Variants in TYW1 observed in about 807,000 individuals in gnomAD.
TYW1 encodes the protein S-adenosyl-L-methionine-dependent tRNA 4-demethylwyosine synthase TYW1.
TYW1 carries 46 observed loss-of-function variants against 96.2 expected under a neutral mutation model. The ratio of observed to expected loss-of-function variants is 0.48; its 90% confidence interval spans 0.38 to 0.61. The LOEUF is 0.61. TYW1 is among the 20% of genes least tolerant of loss of function. The probability of loss-of-function intolerance (pLI) is 0.00; values close to 1 mark genes in which losing one functional copy is unlikely to be tolerated. For synonymous variants in TYW1, 274 were observed against 323.0 expected (o/e 0.85, Z 1.63); for missense variants, 684 against 909.6 (o/e 0.75, Z 3.19).
intron 13 of TYW1, among the ~76,000 whole-genome samples, chr7:67,153,133 TAATACA>T (rs1798855924): frequency 6.6e-6 from 1 of 152,198 alleles, no homozygotes; most frequent in Non-Finnish European, 1.5e-5. Context: ...ATGATTAAGG[TAATACA>T]TGCTGAATGC....
At chr7:67,131,666 A>C (rs1798077552) in intron 13 of TYW1, among the ~76,000 whole-genome samples, 1 of 152,216 alleles carries the variant, frequency 6.6e-6, no homozygotes. Context: ...ATTGACTCGC[A>C]CTATCACAAG....
intron 3 of TYW1, among the ~76,000 whole-genome samples, chr7:67,007,123 C>T (rs943371719): frequency 6.6e-6 from 1 of 151,868 alleles, no homozygotes; most frequent in Non-Finnish European, 1.5e-5. Context: ...AAGCTTTAGC[C>T]TCTGATGGGC....
chr7:67,013,120 C>CCTTT (rs778034934), intron 4 of TYW1, among the ~76,000 whole-genome samples: 2,986 of 140,734 alleles, frequency 0.021, 57 homozygotes, highest in East Asian at 0.12. Context: ...CTTTTCTTTT[C>CCTTT]TTTTTTTTTT....
intron 15 of TYW1, among the ~76,000 whole-genome samples, chr7:67,228,355 G>T (rs151039609): frequency 0.016 from 2,395 of 152,246 alleles, 31 homozygotes; most frequent in Admixed American, 0.044. Flanking sequence ...AAAACCATCA[G>T]ATCTTGTGAG....
At chr7:67,099,136 C>T (rs1797012615) in intron 12 of TYW1, among the ~76,000 whole-genome samples, 1 of 151,980 alleles carries the variant, frequency 6.6e-6, no homozygotes, top group South Asian at 2.1e-4. Context: ...AGTGATTCTC[C>T]TGTCTCAGCC....
chr7:67,235,434 C>T (rs537504086), intron 15 of TYW1, among the ~76,000 whole-genome samples: 2 of 152,234 alleles, frequency 1.3e-5, no homozygotes, highest in Admixed American at 1.3e-4. Context: ...TGTCAGTCAC[C>T]CCAGGCTCAG....
At chr7:67,236,775 T>G (rs892429172) in intron 15 of TYW1, among the ~76,000 whole-genome samples, 2 of 152,230 alleles carry the variant, frequency 1.3e-5, no homozygotes, top group African/African-American at 4.8e-5. Context: ...CAGATGTCAT[T>G]TAAATTCAGC....
At position 67,196,777 on chromosome 7, in the gene TYW1, G is replaced by C. The variant is rs556465428; in HGVS notation, c.1977+1440G>C. Among the ~76,000 whole-genome samples the C allele has an allele frequency of 3.9e-5, 6 of 152,032 alleles. No individual in the cohort carries two copies. The East Asian group carries it at 9.7e-4, about 24-fold the overall frequency. On this transcript the variant is annotated intron_variant, in intron 15 of 15. Coordinates refer to ENST00000359626, the MANE Select transcript of TYW1 (RefSeq NM_018264.4). Reference sequence around the variant, plus strand: ...TCTAATCCTTTACTTCAGTCTGTAAGATTTCTTCTCTTTTCCCATGAGGAT... The same window carrying C: ...TCTAATCCTTTACTTCAGTCTGTAACATTTCTTCTCTTTTCCCATGAGGAT...
At chr7:67,117,921 G>A (rs13222146) in intron 13 of TYW1, among the ~76,000 whole-genome samples, 41,811 of 151,740 alleles carry the variant, frequency 0.28, 6,548 homozygotes, top group African/African-American at 0.43. Context: ...GTTAATAACA[G>A]TTGGTCCTAG....
At chr7:67,117,669 T>G in intron 13 of TYW1, 51 bp downstream of exon 13, 1 of 1,443,330 alleles carries the variant, frequency 6.9e-7, no homozygotes, top group East Asian at 2.5e-5. Flanking sequence ...AGGTGTGTAC[T>G]GAAGTTAAGA....
At chr7:67,225,100 A>G (rs1352477994) in intron 15 of TYW1, among the ~76,000 whole-genome samples, 1 of 151,542 alleles carries the variant, frequency 6.6e-6, no homozygotes, top group Non-Finnish European at 1.5e-5. Flanking sequence ...CTGAGGCTGG[A>G]AAATCACTTG....
rs1159860143 is a variant in TYW1, at chr7:67,027,066, G to A, written c.984+2044G>A. Among the ~76,000 whole-genome samples, 15 of 152,156 alleles carry A rather than the reference G, an allele frequency of 9.9e-5. No homozygotes were observed. The East Asian group carries it at 2.1e-3, about 22-fold the overall frequency. On this transcript the variant is annotated intron_variant, in intron 7 of 15. Transcript: ENST00000359626. The stretch of plus-strand genomic sequence containing the variant: ...ATAAAAAAAATTAGCTAGTTGTAGT[G>A]GCATGTGCCCGTAGTCACAACTGCT...
intron 13 of TYW1, among the ~76,000 whole-genome samples, chr7:67,139,354 T>C (rs1489038253): frequency 6.6e-6 from 1 of 152,228 alleles, no homozygotes; most frequent in Non-Finnish European, 1.5e-5. Flanking sequence ...GCCCGGCCTA[T>C]TTATGGATCT....
At chr7:67,230,883 A>T (rs1226276178) in intron 15 of TYW1, among the ~76,000 whole-genome samples, 3 of 150,910 alleles carry the variant, frequency 2.0e-5, no homozygotes, top group Admixed American at 6.6e-5. Flanking sequence ...CAAATGATCC[A>T]CCCACCTCGG....
At position 67,142,227 on chromosome 7, in the gene TYW1, C is replaced by T. The variant is rs552593561; in HGVS notation, c.1698+24609C>T. Among the ~76,000 whole-genome samples, 212 of 138,846 alleles carry T rather than the reference C, an allele frequency of 1.5e-3. 2 individuals are homozygous for T. Among genetic ancestry groups the T allele is most frequent in the African/African-American group, 5.8e-3 (201 of 34,680 alleles). 91.1% of individuals were successfully genotyped at this position (138,846 alleles called of 152,430 possible). A position where few individuals can be genotyped will look rare whatever the true frequency, so the allele number is the denominator to read the frequency against. On this transcript the variant is annotated intron_variant, in intron 13 of 15. Transcript: ENST00000359626. ...CCTCCCACCTCAGTTGCCGGAGCAG[C>T]TGAGACTACAGGCATGTGTCACCAC...
intron 9 of TYW1, among the ~76,000 whole-genome samples, chr7:67,065,970 A>C (rs1366608121): frequency 1.3e-5 from 2 of 151,004 alleles, no homozygotes; most frequent in African/African-American, 2.4e-5. Context: ...AGATCACACT[A>C]CTGCACTCCA....
chr7:67,045,131 T>G (rs1182894106), intron 7 of TYW1, among the ~76,000 whole-genome samples: 1 of 152,206 alleles, frequency 6.6e-6, no homozygotes, highest in Non-Finnish European at 1.5e-5. Context: ...GTTTTTATCC[T>G]AGGCAAAATT....
At chr7:67,052,617 G>A (rs1795391765) in intron 8 of TYW1, among the ~76,000 whole-genome samples, 1 of 152,170 alleles carries the variant, frequency 6.6e-6, no homozygotes, top group Non-Finnish European at 1.5e-5. Flanking sequence ...AGCTTTGGTT[G>A]ATGGATTTTT....
chr7:67,114,654 T>G (rs1482600996), intron 12 of TYW1, among the ~76,000 whole-genome samples: 1 of 152,184 alleles, frequency 6.6e-6, no homozygotes, highest in Non-Finnish European at 1.5e-5. Context: ...TTATGATGAT[T>G]TTGATGATGT....
Sources: allele counts gnomAD v4.1 joint callset (sites outside exome capture counted in the v4.1 genomes callset), GRCh38; gene constraint gnomAD v4.1.1; transcripts MANE v1.5; gene names NCBI Gene and HGNC (gene_info 2026-07-23, HGNC 2026-07-21).